Variants in DNMT3A observed in about 807,000 individuals in gnomAD.
DNMT3A encodes DNA (cytosine-5)-methyltransferase 3A.
DNMT3A carries 267 observed loss-of-function variants against 117.6 expected under a neutral mutation model. The ratio of observed to expected loss-of-function variants is 2.27; its 90% confidence interval spans 2.05 to 2.51. The LOEUF (loss-of-function observed/expected upper bound fraction) is 2.51, where lower values mean the gene tolerates loss of function less well. DNMT3A is among the 30% of genes most tolerant of loss of function. The pLI, the probability that DNMT3A is intolerant of heterozygous loss-of-function variation, is 0.00. For synonymous variants in DNMT3A, 432 were observed against 474.8 expected (o/e 0.91, Z 1.17); for missense variants, 1,029 against 1,260.2 (o/e 0.82, Z 2.78).
At chr2:25,272,977 AT>A (rs70947875) in intron 6 of DNMT3A, among the ~76,000 whole-genome samples, 64 of 106,426 alleles carry the variant, frequency 6.0e-4, no homozygotes, top group Admixed American at 7.8e-4. Context: ...AATTGTTTGT[AT>A]TTTTTTTTTT....
intron 6 of DNMT3A, among the ~76,000 whole-genome samples, chr2:25,266,481 A>G (rs570150536): frequency 2.0e-5 from 3 of 152,230 alleles, no homozygotes; most frequent in Non-Finnish European, 2.9e-5. Context: ...TCCTTCCCAT[A>G]GCCCCTAGCA....
chr2:25,329,779 C>A (rs561453187), intron 1 of DNMT3A, among the ~76,000 whole-genome samples: 2 of 152,126 alleles, frequency 1.3e-5, no homozygotes, highest in South Asian at 4.2e-4. Context: ...GCAGAGATGA[C>A]CCAGGCGCAC....
At chr2:25,246,834 C>A in intron 9 of DNMT3A, 58 bp from the exon 10 acceptor site, 1 of 1,594,892 alleles carries the variant, frequency 6.3e-7, no homozygotes, top group South Asian at 1.1e-5. Flanking sequence ...GCAGATGGGT[C>A]AGGCTCAAGG....
In DNMT3A at chr2:25,282,470, T is replaced by C; in HGVS notation, c.419A>G (p.Lys140Arg). 3.7e-6 allele frequency: 6 copies of C among 1,613,026 alleles called. No individual in the cohort carries two copies. Among genetic ancestry groups the C allele is most frequent in the Non-Finnish European group, 4.2e-6 (5 of 1,179,866 alleles). ...TTCTGCAGGGGCTCCTCGGCCCTCC[T>C]TGGGGGTGCAGCAGCCATTTTCCAC... ...RAVENGCCTP[K>R]EGRGAPAEAG... is the part of the protein sequence containing the mutation. The change falls in exon 4 of 23, where the codon AAG (lysine) becomes AGG (arginine). Residue 140 changes from lysine to arginine, a missense_variant. Physicochemically the swap from Lys to Arg is conservative, Grantham distance 26. Transcript: ENST00000321117. This position sits in a 1 kb window ranked among gnomAD's most constrained non-coding sequence, Gnocchi z 5.2.
rs1166366596 is a variant in DNMT3A, at chr2:25,298,400, C to T, written c.177+1739G>A. On this transcript the variant is annotated intron_variant, in intron 3 of 22. Coordinates refer to ENST00000321117, the MANE Select transcript of DNMT3A (RefSeq NM_022552.5). This position sits in a 1 kb window ranked among gnomAD's most constrained non-coding sequence, Gnocchi z 4.3. ...CCGAGTGCTTCACTCCACCTCTCAG[C>T]GATGTGGCTACCCTCTGATTCCAGA... Among the ~76,000 whole-genome samples the T allele has an allele frequency of 6.6e-6, 1 of 152,232 alleles. No individual in the cohort carries two copies. Among genetic ancestry groups the T allele is most frequent in the Non-Finnish European group, 1.5e-5 (1 of 68,042 alleles).
At position 25,311,624 on chromosome 2, in the gene DNMT3A, G is replaced by A. The variant is rs1393061795; in HGVS notation, c.72+2289C>T. 6.6e-6 allele frequency among the ~76,000 whole-genome samples: 1 copy of A among 152,180 alleles called. No homozygotes were observed. The highest frequency in any genetic ancestry group is 1.9e-4 in the East Asian group (1 of 5,200). The stretch of plus-strand genomic sequence containing the variant: ...GCTGGGTGTGTGTTTGTTGCCGCTT[G>A]AGCCAGAGCAGTTACTATGGGTAGA... On this transcript the variant is annotated intron_variant, in intron 2 of 22. Transcript: ENST00000321117. This position sits in a 1 kb window ranked among gnomAD's most constrained non-coding sequence, Gnocchi z 5.2.
At chr2:25,267,059 T>C (rs753026096) in intron 6 of DNMT3A, among the ~76,000 whole-genome samples, 5 of 152,160 alleles carry the variant, frequency 3.3e-5, no homozygotes, top group African/African-American at 7.2e-5. Context: ...GGAATCCACA[T>C]GGTGGAATAT....
chr2:25,248,169 C>T lies in DNMT3A; in HGVS notation c.723G>A (p.Glu241=), dbSNP rs1675082710. The T allele has an allele frequency of 6.2e-7, 1 of 1,613,928 alleles. No homozygotes were observed. The highest frequency in any genetic ancestry group is 1.7e-5 in the Admixed American group (1 of 59,938). Reference sequence around the variant, plus strand: ...GCTGCTGCACAGCAGGAGGGCTGGCCTCCTCCACCTTCTGAGACTCCCCGG... The same window carrying T: ...GCTGCTGCACAGCAGGAGGGCTGGCTTCCTCCACCTTCTGAGACTCCCCGG... The part of the protein sequence containing the change: ...QGPGESQKVE[E]ASPPAVQQPT... Residue 241 remains glutamate, a synonymous_variant, in exon 7 of 23, where the codon GAG becomes GAA. Coordinates refer to ENST00000321117, the MANE Select transcript of DNMT3A (RefSeq NM_022552.5).
chr2:25,278,001 T>TCACACACACACACACACACACACACA, intron 4 of DNMT3A, among the ~76,000 whole-genome samples: 2 of 90,500 alleles, frequency 2.2e-5, no homozygotes, highest in Non-Finnish European at 4.9e-5. Context: ...ACTTGAGTGA[T>TCACACACACACACACACACACACACA]CACACACACA....
Position 25,245,255 on chromosome 2 carries a change from T to TGA in DNMT3A, c.1551_1552insTC (p.Lys518SerfsTer134). On this transcript the variant is annotated frameshift_variant, in exon 13 of 23. Transcript: ENST00000321117. LOFTEE classifies it high-confidence loss of function. ...CTCCTGGGTGGGTGTGCTCCTACCT[T>TGA]GCAGTTTTGGCACATTCCTCCAACG... 6.2e-7 allele frequency: 1 copy of TGA among 1,613,822 alleles called. No individual in the cohort carries two copies. Among genetic ancestry groups the TGA allele is most frequent in the Non-Finnish European group, 8.5e-7 (1 of 1,179,964 alleles).
At position 25,239,161 on chromosome 2, in the gene DNMT3A, AGC is replaced by A; in HGVS notation, c.2375_2376del (p.Arg792LeufsTer5). On this transcript the variant is annotated frameshift_variant, in exon 20 of 23. Transcript: ENST00000321117. LOFTEE classifies it high-confidence loss of function. ...ATACCGGGAAGGTTACCCCAGAAGT[AGC>A]GGGCCCTGTGTGCAGCTGACACTTC... ...AKEVSAAHRARYFWGNLPGMN... is the reference protein window; with the variant it reads ...AKEVSAAHRAXYFWGNLPGMN... 6.2e-7 allele frequency: 1 copy of A among 1,614,100 alleles called. No individual in the cohort carries two copies. Among genetic ancestry groups the A allele is most frequent in the Non-Finnish European group, 8.5e-7 (1 of 1,179,982 alleles).
intron 1 of DNMT3A, among the ~76,000 whole-genome samples, chr2:25,340,859 G>T (rs1375452088): frequency 8.3e-6 from 1 of 119,880 alleles, no homozygotes; most frequent in African/African-American, 3.1e-5. Flanking sequence ...CGGCCCCCGC[G>T]GCCCGGGCCC....
intron 11 of DNMT3A, 29 bp from the exon 12 acceptor site, chr2:25,246,093 G>A (rs765514387): frequency 6.2e-7 from 1 of 1,613,962 alleles, no homozygotes; most frequent in African/African-American, 1.3e-5. Flanking sequence ...TGGCGTCAGA[G>A]GAGGCCGCGC....
At position 25,252,769 on chromosome 2, in the gene DNMT3A, CAAA is replaced by C. The variant is rs376346437; in HGVS notation, c.640-4520_640-4518del. On this transcript the variant is annotated intron_variant, in intron 6 of 22. Transcript: ENST00000321117. The surrounding 1 kb of genome is among the most constrained non-coding windows in gnomAD (Gnocchi z 5.5). The stretch of plus-strand genomic sequence containing the variant: ...AAAGTGAGTTTCTCTGAAGCACAAC[CAAA>C]AAAAAAAAAAGAAAAAGCTTACAGA... Among the ~76,000 whole-genome samples the C allele has an allele frequency of 8.0e-6, 1 of 124,688 alleles. No homozygotes were observed. Among genetic ancestry groups the C allele is most frequent in the Admixed American group, 8.0e-5 (1 of 12,430 alleles). 81.8% of individuals were successfully genotyped at this position (124,688 alleles called of 152,430 possible).
chr2:25,240,428 A>T lies in DNMT3A; in HGVS notation c.2196T>A (p.Phe732Leu). ...CATCATGCAGGAGGCGGTAGAACTCAAAGAAGAGCCGGCCAGTGCCCTCTG... is the reference window on the plus strand; with the variant it reads ...CATCATGCAGGAGGCGGTAGAACTCTAAGAAGAGCCGGCCAGTGCCCTCTG... Reference protein sequence around the residue: ...GLYEGTGRLFFEFYRLLHDAR... With the variant: ...GLYEGTGRLFLEFYRLLHDAR... The change falls in exon 19 of 23, where the codon TTT becomes TTA. Residue 732 changes from phenylalanine to leucine, a missense_variant. Physicochemically the swap from Phe to Leu is conservative, Grantham distance 22 (BLOSUM62 0). Transcript: ENST00000321117. 1 of 1,611,488 alleles carries T rather than the reference A, an allele frequency of 6.2e-7. No homozygotes were observed. The highest frequency in any genetic ancestry group is 8.5e-7 in the Non-Finnish European group (1 of 1,178,790).
At position 25,282,092 on chromosome 2, in the gene DNMT3A, A is replaced by G; in HGVS notation, c.448+349T>C. 7.1e-6 allele frequency: 8 copies of G among 1,132,806 alleles called. No individual in the cohort carries two copies. The highest frequency in any genetic ancestry group is 9.0e-6 in the Non-Finnish European group (8 of 893,450). 70.2% of individuals were successfully genotyped at this position (1,132,806 alleles called of 1,614,324 possible). ...ACCAGCCACAGAAGGCGATGGAGGG[A>G]CCGCCATTATCCCAGTCTAGCAATC... On this transcript the variant is annotated intron_variant, in intron 4 of 22. Coordinates refer to ENST00000321117, the MANE Select transcript of DNMT3A (RefSeq NM_022552.5). The surrounding 1 kb of genome is among the most constrained non-coding windows in gnomAD (Gnocchi z 5.2).
intron 1 of DNMT3A, among the ~76,000 whole-genome samples, chr2:25,328,347 A>G (rs1036397462): frequency 1.3e-5 from 2 of 151,962 alleles, no homozygotes; most frequent in Admixed American, 6.6e-5. Flanking sequence ...CAGCTGCATC[A>G]TTCCAGGCCC....
At chr2:25,243,598 C>T (rs974960796) in intron 16 of DNMT3A, among the ~76,000 whole-genome samples, 3 of 152,212 alleles carry the variant, frequency 2.0e-5, no homozygotes, top group Non-Finnish European at 4.4e-5. Flanking sequence ...TCCTTTGAGG[C>T]TCTGTGAAAT....
chr2:25,235,883 T>C, intron 21 of DNMT3A, 58 bp from the exon 22 acceptor site: 1 of 1,470,176 alleles, frequency 6.8e-7, no homozygotes, highest in South Asian at 1.1e-5. Context: ...CCAACACTGG[T>C]CATGCGTCTA....
Sources: gnomAD v4.1 joint callset for allele counts (sites outside exome capture counted in the v4.1 genomes callset) on GRCh38, gnomAD v4.1.1 for gene constraint, Gnocchi (gnomAD v3.1) non-coding constraint, MANE v1.5 for transcripts, NCBI Gene and HGNC (gene_info 2026-07-23, HGNC 2026-07-21) for gene names.